Variants in OPCML observed in about 807,000 individuals in gnomAD.
OPCML encodes opioid-binding protein/cell adhesion molecule.
In OPCML, 13 loss-of-function variants were observed where a neutral mutation model predicts 37.8. That is an observed-to-expected ratio of 0.34 (90% CI 0.22 to 0.55). The LOEUF (loss-of-function observed/expected upper bound fraction) is 0.55, where lower values mean the gene tolerates loss of function less well. Among genes scored for constraint, OPCML ranks in the 20% least tolerant of loss-of-function variants. The probability of loss-of-function intolerance (pLI) is 0.91; values close to 1 mark genes in which losing one functional copy is unlikely to be tolerated. For synonymous variants in OPCML, 176 were observed against 168.8 expected, an observed-to-expected ratio of 1.04 and a Z score of -0.33; for missense variants, 341 against 435.6, an observed-to-expected ratio of 0.78 and a Z score of 1.93.
chr11:132,638,176 T>TATATATATATATATATATAC, intron 3 of OPCML, among the ~76,000 whole-genome samples: 2 of 144,814 alleles, frequency 1.4e-5, no homozygotes, highest in Middle Eastern at 3.6e-3. Context: ...TATATATATA[T>TATATATATATATATATATAC]ATATATATAT....
At chr11:132,794,716 C>G (rs937883497) in intron 2 of OPCML, among the ~76,000 whole-genome samples, 2 of 152,086 alleles carry the variant, frequency 1.3e-5, no homozygotes, top group Non-Finnish European at 2.9e-5. Flanking sequence ...ATGTACAATA[C>G]CCATACAAAG....
chr11:133,140,763 CGAAGAAGAAGAAGAAGAA>C (rs5795825), intron 1 of OPCML, among the ~76,000 whole-genome samples: 1 of 48,872 alleles, frequency 2.0e-5, no homozygotes, highest in African/African-American at 4.6e-5. Context: ...AAGAAGACGA[CGAAGAAGAAGAAGAAGAA>C]GACGACGAAG....
chr11:133,106,196 AT>A (rs762508608), intron 1 of OPCML, among the ~76,000 whole-genome samples: 46 of 152,160 alleles, frequency 3.0e-4, no homozygotes, highest in Non-Finnish European at 4.9e-4. Context: ...TTTAACAATA[AT>A]TTTATCAATT....
At chr11:133,356,219 A>C (rs1418103250) in intron 1 of OPCML, among the ~76,000 whole-genome samples, 2 of 152,218 alleles carry the variant, frequency 1.3e-5, no homozygotes, top group Non-Finnish European at 2.9e-5. Context: ...TTATTAAAAA[A>C]TATAATCAGA....
intron 3 of OPCML, among the ~76,000 whole-genome samples, chr11:132,619,144 A>G (rs1361853860): frequency 6.6e-6 from 1 of 152,106 alleles, no homozygotes; most frequent in Non-Finnish European, 1.5e-5. Flanking sequence ...TCGGTACTCC[A>G]GCCAGCCAAA....
At chr11:133,116,283 C>T (rs7119176) in intron 1 of OPCML, among the ~76,000 whole-genome samples, 92,666 of 152,114 alleles carry the variant, frequency 0.61, 28,387 homozygotes, top group East Asian at 0.79. Flanking sequence ...ATTATTTACA[C>T]AACCATAGAA....
At chr11:133,309,314 A>C (rs1313494529) in intron 1 of OPCML, among the ~76,000 whole-genome samples, 2 of 152,210 alleles carry the variant, frequency 1.3e-5, no homozygotes, top group Non-Finnish European at 2.9e-5. Flanking sequence ...GAAGGGCACA[A>C]GATCTCTTTC....
chr11:133,440,079 T>C (rs1245914310), intron 1 of OPCML, among the ~76,000 whole-genome samples: 6 of 152,086 alleles, frequency 3.9e-5, no homozygotes, highest in Non-Finnish European at 7.4e-5. Context: ...AGATGGAAAG[T>C]CTTTAATTTT....
chr11:132,679,660 C>T (rs1169974778), intron 2 of OPCML, among the ~76,000 whole-genome samples: 1 of 152,146 alleles, frequency 6.6e-6, no homozygotes, highest in Non-Finnish European at 1.5e-5. Context: ...TGGAATTGTT[C>T]TAAAACTGAT....
intron 1 of OPCML, among the ~76,000 whole-genome samples, chr11:133,075,065 C>T (rs34607145): frequency 0.073 from 11,077 of 152,228 alleles, 672 homozygotes; most frequent in African/African-American, 0.17. Flanking sequence ...ACGTCAGCCT[C>T]TCACGCGTCC....
At chr11:132,857,103 C>A (rs960670035) in intron 2 of OPCML, among the ~76,000 whole-genome samples, 2 of 152,170 alleles carry the variant, frequency 1.3e-5, no homozygotes, top group African/African-American at 4.8e-5. Context: ...TTCACACCAG[C>A]AATGAATGAG....
chr11:132,630,218 C>G (rs1277710322), intron 3 of OPCML, among the ~76,000 whole-genome samples: 1 of 152,146 alleles, frequency 6.6e-6, no homozygotes, highest in East Asian at 1.9e-4. Context: ...TGAAGATGTT[C>G]ATCACACTGT....
chr11:132,838,041 C>T (rs1054080016), intron 2 of OPCML, among the ~76,000 whole-genome samples: 2 of 152,318 alleles, frequency 1.3e-5, no homozygotes, highest in Middle Eastern at 3.4e-3. Flanking sequence ...AGATTGCATA[C>T]GGCCCACCTT....
At chr11:133,024,182 T>C (rs914994815) in intron 1 of OPCML, among the ~76,000 whole-genome samples, 2 of 152,194 alleles carry the variant, frequency 1.3e-5, no homozygotes, top group African/African-American at 4.8e-5. Flanking sequence ...CAACACTGTT[T>C]TCCTGGAGAC....
intron 1 of OPCML, among the ~76,000 whole-genome samples, chr11:133,113,050 C>A (rs1355287529): frequency 6.6e-6 from 1 of 152,174 alleles, no homozygotes; most frequent in Non-Finnish European, 1.5e-5. Context: ...GATTTCCTGG[C>A]TAAAGTGAAA....
At chr11:132,981,332 A>G (rs1946578983) in intron 1 of OPCML, among the ~76,000 whole-genome samples, 1 of 152,198 alleles carries the variant, frequency 6.6e-6, no homozygotes, top group African/African-American at 2.4e-5. Context: ...TGGTTAGAGC[A>G]AAGTCCAAGG....
intron 4 of OPCML, among the ~76,000 whole-genome samples, chr11:132,487,407 C>T (rs960330551): frequency 6.6e-6 from 1 of 152,194 alleles, no homozygotes; most frequent in Non-Finnish European, 1.5e-5. Context: ...ATGGGCCAAC[C>T]CACTTTTCTT....
At chr11:132,787,062 A>G (rs1408450144) in intron 2 of OPCML, among the ~76,000 whole-genome samples, 2 of 152,128 alleles carry the variant, frequency 1.3e-5, no homozygotes, top group Non-Finnish European at 2.9e-5. Context: ...GGTCTAGGGT[A>G]AGGCCTGGGA....
intron 3 of OPCML, among the ~76,000 whole-genome samples, chr11:132,630,411 A>C (rs1940025817): frequency 6.6e-6 from 1 of 152,198 alleles, no homozygotes; most frequent in African/African-American, 2.4e-5. Flanking sequence ...TACAAAAATT[A>C]GCTGGGCGTG....
Sources: allele counts gnomAD v4.1 joint callset (sites outside exome capture counted in the v4.1 genomes callset), GRCh38; gene constraint gnomAD v4.1.1; transcripts MANE v1.5; gene names NCBI Gene and HGNC (gene_info 2026-07-23, HGNC 2026-07-21).